The following SMC3 variants were observed in gnomAD, a reference collection of about 807,000 sequenced individuals.
SMC3 encodes structural maintenance of chromosomes protein 3.
In SMC3, 20 loss-of-function variants were observed where a neutral mutation model predicts 171.8. The observed-to-expected ratio is 0.12, with a 90% CI of 0.08 to 0.17. SMC3 has a LOEUF of 0.17. Among genes scored for constraint, SMC3 ranks in the 10% least tolerant of loss-of-function variants. SMC3 has a pLI of 1.00. For missense variants in SMC3, 543 were observed against 1,420.4 expected (o/e 0.38, Z 9.93); for synonymous variants, 464 against 451.1 (o/e 1.03, Z -0.36).
intron 17 of SMC3, 106 bp from the exon 18 acceptor site, chr10:110,592,967 A>G (rs190479170): frequency 3.2e-6 from 3 of 948,146 alleles, no homozygotes; most frequent in East Asian, 2.4e-5. Context: ...TTTGAAATAT[A>G]ATGGTGTTTA....
intron 3 of SMC3, 42 bp downstream of exon 3, chr10:110,573,787 G>T: frequency 8.3e-7 from 1 of 1,199,520 alleles, no homozygotes; most frequent in South Asian, 1.2e-5. Context: ...TAAGACCTGG[G>T]TATCTTAGGG....
intron 16 of SMC3, 26 bp downstream of exon 16, chr10:110,590,598 C>T (rs199793538): frequency 8.5e-5 from 136 of 1,607,642 alleles, no homozygotes; most frequent in Middle Eastern, 3.4e-4. Context: ...TGATATTTAG[C>T]ATTTTTAGAA....
At position 110,601,029 on chromosome 10, in the gene SMC3, A is replaced by G; in HGVS notation, c.2543A>G (p.Asn848Ser). The G allele has an allele frequency of 1.9e-6, 3 of 1,612,242 alleles. No individual in the cohort carries two copies. Among genetic ancestry groups the G allele is most frequent in the Non-Finnish European group, 2.5e-6 (3 of 1,178,456 alleles). ...TTGTATTTTTTGTTACAGGAACTTA[A>G]TGAGCTGAGAGAGACAGAAGGGGGT... is the stretch of plus-strand genomic sequence containing the variant. ...KRLDQVEQEL[N>S]ELRETEGGTV... The change falls in exon 23 of 29, where the codon AAT becomes AGT. Residue 848 changes from asparagine (N) to serine (S), a missense_variant. Asn to Ser is a conservative substitution (Grantham distance 46). This residue lies in a region of SMC3 where 33 missense variants were observed against 33.6 expected (regional missense o/e 0.98). Coordinates refer to ENST00000361804, the MANE Select transcript of SMC3 (RefSeq NM_005445.4).
At chr10:110,575,071 T>C (rs1422931421) in intron 3 of SMC3, among the ~76,000 whole-genome samples, 1 of 152,178 alleles carries the variant, frequency 6.6e-6, no homozygotes, top group Non-Finnish European at 1.5e-5. Flanking sequence ...GCTTGTCTGT[T>C]TTCATGTATT....
At chr10:110,573,890 A>G (rs1003691132) in intron 3 of SMC3, 145 bp downstream of exon 3, 33 of 638,476 alleles carry the variant, frequency 5.2e-5, no homozygotes, top group Admixed American at 2.9e-4. Flanking sequence ...TAGAGGGTTT[A>G]GAGTATACAG....
rs117538515 is a variant in SMC3 at position 110,604,634 on chromosome 10, A to G, written c.*332A>G. On this transcript the variant is annotated 3_prime_UTR_variant, in exon 29 of 29. Transcript: ENST00000361804. ...AATTAAATAATCGGTTTTATGACTA[A>G]TATAGTGTTTTATGTGGCTTTTCAT... 1,096 of 290,816 alleles carry G rather than the reference A, an allele frequency of 3.8e-3. 13 individuals are homozygous for G. Among genetic ancestry groups the G allele is most frequent in the East Asian group, 0.024 (269 of 11,054 alleles). 18.0% of individuals were successfully genotyped at this position (290,816 alleles called of 1,614,324 possible). A position where few individuals can be genotyped will look rare whatever the true frequency, so the allele number is the denominator to read the frequency against.
chr10:110,590,593 T>C (rs778103455), intron 16 of SMC3, 21 bp downstream of exon 16: 2 of 1,609,760 alleles, frequency 1.2e-6, no homozygotes, highest in Admixed American at 1.7e-5. Flanking sequence ...TTGCTTGATA[T>C]TTAGCATTTT....
intron 3 of SMC3, 105 bp from the exon 4 acceptor site, chr10:110,575,231 A>G: frequency 1.2e-6 from 1 of 805,872 alleles, no homozygotes; most frequent in Middle Eastern, 3.3e-4. Flanking sequence ...ATTTATTTGC[A>G]TTGTCTATTA....
intron 23 of SMC3, among the ~76,000 whole-genome samples, chr10:110,601,336 T>C (rs1326517004): frequency 6.6e-6 from 1 of 152,218 alleles, no homozygotes; most frequent in Admixed American, 6.5e-5. Flanking sequence ...TTTGAGACCA[T>C]AAATGATTCA....
intron 17 of SMC3, among the ~76,000 whole-genome samples, chr10:110,592,211 G>A (rs1165356980): frequency 6.6e-6 from 1 of 151,136 alleles, no homozygotes; most frequent in African/African-American, 2.4e-5. Flanking sequence ...GTTGCAGTGA[G>A]CCAAGATCAT....
chr10:110,595,990 A>G (rs7899213), intron 18 of SMC3, among the ~76,000 whole-genome samples: 104,900 of 141,908 alleles, frequency 0.74, 39,906 homozygotes, highest in Non-Finnish European at 0.84. Context: ...GTAATCCTAG[A>G]TACTTAAGAG....
chr10:110,590,669 C>CT, intron 16 of SMC3, 97 bp downstream of exon 16: 2 of 1,008,766 alleles, frequency 2.0e-6, no homozygotes, highest in South Asian at 1.4e-5. Flanking sequence ...CTTCCATTAT[C>CT]TTTTTATATC....
At position 110,596,417 on chromosome 10, in the gene SMC3, G is replaced by C; in HGVS notation, c.1983G>C (p.Arg661=). Residue 661 remains arginine, a synonymous_variant, in exon 19 of 29, where the codon CGG becomes CGC. Transcript: ENST00000361804. ...ITLEGDQVSH[R]GALTGGYYDT... is the part of the protein sequence containing the mutation. ...TTATAGGTGACCAAGTCAGCCATCGGGGTGCTCTAACTGGGGGTTATTATG... is the reference window on the plus strand; with the variant it reads ...TTATAGGTGACCAAGTCAGCCATCGCGGTGCTCTAACTGGGGGTTATTATG... 9 of 1,613,602 alleles carry C rather than the reference G, an allele frequency of 5.6e-6. No homozygotes were observed. Among genetic ancestry groups the C allele is most frequent in the Non-Finnish European group, 7.6e-6 (9 of 1,179,782 alleles).
In SMC3 at chr10:110,600,555, G is replaced by GTTT; in HGVS notation, c.2535+10_2535+11insTTT. ...TGGACCAAGTAGAACAGGTGTGTATGTGTTTTTTTTTTTTTTTTTAAGGGC... is the reference window on the plus strand; with the variant it reads ...TGGACCAAGTAGAACAGGTGTGTATGTTTTGTTTTTTTTTTTTTTTTTAAGGGC... On this transcript the variant is annotated intron_variant, in intron 22 of 28. Coordinates refer to ENST00000361804, the MANE Select transcript of SMC3 (RefSeq NM_005445.4). 8.1e-7 allele frequency: 1 copy of GTTT among 1,238,514 alleles called. No individual in the cohort carries two copies. The highest frequency in any genetic ancestry group is 1.2e-6 in the Non-Finnish European group (1 of 847,674). 76.7% of individuals were successfully genotyped at this position (1,238,514 alleles called of 1,614,324 possible).
intron 13 of SMC3, 126 bp from the exon 14 acceptor site, chr10:110,589,479 C>A: frequency 1.5e-6 from 1 of 673,796 alleles, no homozygotes; most frequent in African/African-American, 1.8e-5. Flanking sequence ...GTTTTCCATA[C>A]CCCTTTGTAA....
At chr10:110,571,402 C>T (rs997954053) in intron 2 of SMC3, among the ~76,000 whole-genome samples, 3 of 152,200 alleles carry the variant, frequency 2.0e-5, no homozygotes, top group Non-Finnish European at 2.9e-5. Flanking sequence ...CCCACCATAC[C>T]TTAGAAAGGT....
intron 13 of SMC3, among the ~76,000 whole-genome samples, chr10:110,585,859 G>A (rs1042741651): frequency 6.6e-6 from 1 of 151,642 alleles, no homozygotes; most frequent in Non-Finnish European, 1.5e-5. Flanking sequence ...GTGCAGTGGC[G>A]CGATCTCGGC....
chr10:110,577,997 C>T (rs1019473510), intron 6 of SMC3, 83 bp downstream of exon 6: 24 of 943,658 alleles, frequency 2.5e-5, no homozygotes, highest in Admixed American at 2.2e-4. Context: ...AGGTTGGTCT[C>T]GAACTCTTGG....
intron 2 of SMC3, among the ~76,000 whole-genome samples, chr10:110,570,263 A>T (rs945286992): frequency 6.6e-6 from 1 of 152,214 alleles, no homozygotes; most frequent in African/African-American, 2.4e-5. Flanking sequence ...TCAGGGTGTC[A>T]GTTCAATTCA....
Sources: allele counts gnomAD v4.1 joint callset (sites outside exome capture counted in the v4.1 genomes callset), GRCh38; gene constraint gnomAD v4.1.1; regional missense constraint gnomAD v4.1.1; transcripts MANE v1.5; gene names NCBI Gene and HGNC (gene_info 2026-07-23, HGNC 2026-07-21).